Variants in FNBP1L observed in about 807,000 individuals in gnomAD.
The protein encoded by FNBP1L is formin binding protein 1 like, also known as formin-binding protein 1-like.
FNBP1L carries 36 observed loss-of-function variants against 91.2 expected under a neutral mutation model. The observed-to-expected ratio is 0.39, with a 90% confidence interval of 0.30 to 0.52. The LOEUF (loss-of-function observed/expected upper bound fraction) is 0.52. Ranked by LOEUF, FNBP1L falls within the 20% of genes least tolerant of loss-of-function variation. The pLI, the probability that FNBP1L is intolerant of heterozygous loss-of-function variation, is 0.66. For missense variants in FNBP1L, 571 were observed against 732.1 expected (o/e 0.78, Z 2.54); for synonymous variants, 242 against 237.0 (o/e 1.02, Z -0.19).
chr1:93,542,530 A>G (rs1351432642), intron 11 of FNBP1L, among the ~76,000 whole-genome samples: 1 of 147,652 alleles, frequency 6.8e-6, no homozygotes, highest in Non-Finnish European at 1.5e-5. Flanking sequence ...TCTACAGGCC[A>G]CTGGGGAAAG....
intron 10 of FNBP1L, among the ~76,000 whole-genome samples, chr1:93,539,264 A>C (rs908481599): frequency 7.2e-5 from 11 of 152,022 alleles, no homozygotes; most frequent in African/African-American, 2.7e-4. Context: ...AATAATTTTA[A>C]TTGTCTAAAT....
chr1:93,449,071 C>G (rs755573804), intron 1 of FNBP1L, among the ~76,000 whole-genome samples: 2 of 152,254 alleles, frequency 1.3e-5, no homozygotes, highest in African/African-American at 2.4e-5. Flanking sequence ...CTCCCTGTTG[C>G]TTTACTTCCC....
In FNBP1L at chr1:93,553,014, A is replaced by G. The variant is rs1286470947; in HGVS notation, c.*598A>G. On this transcript the variant is annotated 3_prime_UTR_variant, in exon 17 of 17. Coordinates refer to ENST00000271234, the MANE Select transcript of FNBP1L (RefSeq NM_001164473.3). ...AATGTTTCCATCTTAGTATTTGTGCACACTGCTATAACTTCCCCACTGCAA... is the reference window on the plus strand; with the variant it reads ...AATGTTTCCATCTTAGTATTTGTGCGCACTGCTATAACTTCCCCACTGCAA... 2 of 152,302 alleles carry G rather than the reference A, an allele frequency of 1.3e-5. No individual in the cohort carries two copies. Among genetic ancestry groups the G allele is most frequent in the African/African-American group, 2.4e-5 (1 of 41,466 alleles). The allele number at this position is 152,302 out of a possible 1,614,324, so 9.4% of individuals were successfully genotyped here.
intron 2 of FNBP1L, among the ~76,000 whole-genome samples, chr1:93,521,559 C>G (rs1339596466): frequency 1.3e-5 from 2 of 152,102 alleles, no homozygotes; most frequent in East Asian, 1.9e-4. Flanking sequence ...ATAACATTTG[C>G]CTATAACCTA....
At chr1:93,472,846 A>T (rs1450000450) in intron 1 of FNBP1L, among the ~76,000 whole-genome samples, 2 of 122,862 alleles carry the variant, frequency 1.6e-5, no homozygotes, top group Non-Finnish European at 3.5e-5. Flanking sequence ...AAAAAAAAAA[A>T]AATCCTAACA....
intron 12 of FNBP1L, among the ~76,000 whole-genome samples, 194 bp downstream of exon 12, chr1:93,544,410 A>C (rs921629210): frequency 6.6e-6 from 1 of 152,120 alleles, no homozygotes; most frequent in Non-Finnish European, 1.5e-5. Flanking sequence ...TTGGTTGCAG[A>C]TTTTTATTGA....
chr1:93,484,073 C>T (rs756797194), intron 1 of FNBP1L, among the ~76,000 whole-genome samples: 24 of 152,154 alleles, frequency 1.6e-4, no homozygotes, highest in Non-Finnish European at 2.2e-4. Context: ...GGACTACAGG[C>T]GTGCGCCACC....
intron 2 of FNBP1L, among the ~76,000 whole-genome samples, chr1:93,520,164 TCTC>T (rs1260289586): frequency 6.6e-6 from 1 of 152,178 alleles, no homozygotes; most frequent in Admixed American, 6.5e-5. Context: ...AGAGTATAAG[TCTC>T]CTGCTCATGG....
intron 2 of FNBP1L, among the ~76,000 whole-genome samples, chr1:93,500,649 T>TG (rs1253406712): frequency 6.7e-6 from 1 of 149,680 alleles, no homozygotes; most frequent in Non-Finnish European, 1.5e-5. Flanking sequence ...TAGCTAATGA[T>TG]GGGGGAAGGA....
At chr1:93,531,396 C>T (rs1570854075) in intron 7 of FNBP1L, among the ~76,000 whole-genome samples, 1 of 152,116 alleles carries the variant, frequency 6.6e-6, no homozygotes, top group Admixed American at 6.5e-5. Flanking sequence ...TAACAGTTGC[C>T]AAACAGCCTC....
At chr1:93,499,688 A>C in intron 2 of FNBP1L, 105 bp downstream of exon 2, 1 of 694,834 alleles carries the variant, frequency 1.4e-6, no homozygotes, top group Non-Finnish European at 2.4e-6. Context: ...GTTTTTCATC[A>C]GAATTAGATT....
chr1:93,478,172 C>G (rs1473990956), intron 1 of FNBP1L, among the ~76,000 whole-genome samples: 1 of 152,198 alleles, frequency 6.6e-6, no homozygotes, highest in Non-Finnish European at 1.5e-5. Flanking sequence ...CTTTTACCCT[C>G]TGAGCAATTG....
At chr1:93,496,344 C>T (rs1284459158) in intron 1 of FNBP1L, among the ~76,000 whole-genome samples, 1 of 150,468 alleles carries the variant, frequency 6.6e-6, no homozygotes, top group Non-Finnish European at 1.5e-5. Flanking sequence ...AACTTGAATT[C>T]CTGGACTCAA....
chr1:93,540,573 T>C (rs1672004712), intron 10 of FNBP1L, among the ~76,000 whole-genome samples: 1 of 152,150 alleles, frequency 6.6e-6, no homozygotes, highest in Non-Finnish European at 1.5e-5. Context: ...TACTTTGAAG[T>C]ATAAAAATGT....
At chr1:93,537,774 T>G (rs1671894874) in intron 10 of FNBP1L, among the ~76,000 whole-genome samples, 1 of 152,194 alleles carries the variant, frequency 6.6e-6, no homozygotes, top group South Asian at 2.1e-4. Flanking sequence ...GAAATCATAT[T>G]TGGGATTTCT....
At chr1:93,449,485 G>T (rs1414182823) in intron 1 of FNBP1L, among the ~76,000 whole-genome samples, 1 of 152,204 alleles carries the variant, frequency 6.6e-6, no homozygotes, top group Non-Finnish European at 1.5e-5. Flanking sequence ...TAGGGTGGGA[G>T]TGAAAGCCAA....
At chr1:93,494,421 T>G (rs529282562) in intron 1 of FNBP1L, among the ~76,000 whole-genome samples, 21 of 152,152 alleles carry the variant, frequency 1.4e-4, no homozygotes, top group Non-Finnish European at 2.9e-5. Flanking sequence ...ATTGATTAAA[T>G]CATTAATTAT....
chr1:93,493,737 A>T (rs2101719763), intron 1 of FNBP1L, among the ~76,000 whole-genome samples: 1 of 152,320 alleles, frequency 6.6e-6, no homozygotes, highest in East Asian at 1.9e-4. Context: ...TTGTATTTAT[A>T]TACCACATTT....
intron 1 of FNBP1L, among the ~76,000 whole-genome samples, chr1:93,489,140 A>C (rs1244671594): frequency 6.6e-6 from 1 of 152,208 alleles, no homozygotes; most frequent in Non-Finnish European, 1.5e-5. Context: ...AGCATGAGGA[A>C]GGGTTAGTAA....
Sources: gnomAD v4.1 joint callset for allele counts (sites outside exome capture counted in the v4.1 genomes callset) on GRCh38, gnomAD v4.1.1 for gene constraint, MANE v1.5 for transcripts, NCBI Gene and HGNC (gene_info 2026-07-23, HGNC 2026-07-21) for gene names.